The following SYT7 variants were observed in gnomAD, a reference collection of about 807,000 sequenced individuals.
SYT7 encodes the protein synaptotagmin-7.
In SYT7, 29 loss-of-function variants were observed where a neutral mutation model predicts 75.1. The observed-to-expected ratio is 0.39, with a 90% CI of 0.29 to 0.53. SYT7 has a LOEUF of 0.53. Ranked by LOEUF, SYT7 falls within the 20% of genes least tolerant of loss-of-function variation. The probability of loss-of-function intolerance (pLI) is 0.77; values close to 1 mark genes in which losing one functional copy is unlikely to be tolerated. For synonymous variants in SYT7, 376 were observed against 401.7 expected, an observed-to-expected ratio of 0.94 and a Z score of 0.76; for missense variants, 693 against 953.2, an observed-to-expected ratio of 0.73 and a Z score of 3.59.
chr11:61,524,490 T>C lies in SYT7; in HGVS notation c.1514A>G (p.Gln505Arg). 1 of 1,610,344 alleles carries C rather than the reference T, an allele frequency of 6.2e-7. No homozygotes were observed. Among genetic ancestry groups the C allele is most frequent in the Non-Finnish European group, 8.5e-7 (1 of 1,177,906 alleles). The change falls in exon 10 of 13, where the codon CAA (glutamine) becomes CGA (arginine). Residue 505 changes from glutamine (Q) to arginine (R), a missense_variant. Gln to Arg is a conservative substitution (Grantham distance 43). This residue lies in a region of SYT7 where 206 missense variants were observed against 360.0 expected (regional missense o/e 0.57). Coordinates refer to ENST00000539008, the MANE Select transcript of SYT7 (RefSeq NM_001365809.2). The surrounding 1 kb of genome is among the most constrained non-coding windows in gnomAD (Gnocchi z 4.1). ...GCTGAAGCGGTCATAGTCCAGGACT[T>C]GGAGGTAGAGGATCCTCTGCACCAC... ...EKVVQRILYL[Q>R]VLDYDRFSRN...
At position 61,516,921 on chromosome 11, in the gene SYT7, A is replaced by G. The variant is rs929689278; in HGVS notation, c.*1706T>C. On this transcript the variant is annotated 3_prime_UTR_variant, in exon 13 of 13. Coordinates refer to ENST00000539008, the MANE Select transcript of SYT7 (RefSeq NM_001365809.2). The surrounding 1 kb of genome is among the most constrained non-coding windows in gnomAD (Gnocchi z 4.6). ...AGGCGACCCGTCTACTGCAGCAAGC[A>G]GAATGCTCAGCTCAAGGGGAAGCCG... is the stretch of plus-strand genomic sequence containing the variant. 4 of 234,196 alleles carry G rather than the reference A, an allele frequency of 1.7e-5. No homozygotes were observed. Among genetic ancestry groups the G allele is most frequent in the Non-Finnish European group, 3.3e-5 (4 of 122,024 alleles). The allele number at this position is 234,196 out of a possible 1,614,324, so 14.5% of individuals were successfully genotyped here. A position where few individuals can be genotyped will look rare whatever the true frequency, so the allele number is the denominator to read the frequency against.
intron 1 of SYT7, among the ~76,000 whole-genome samples, chr11:61,556,575 A>G (rs1244268583): frequency 2.0e-5 from 3 of 152,114 alleles, no homozygotes; most frequent in African/African-American, 7.2e-5. Flanking sequence ...AAATCCCTCC[A>G]CAGGCCACTG....
chr11:61,532,264 A>T (rs2062735326), intron 8 of SYT7, among the ~76,000 whole-genome samples: 1 of 152,198 alleles, frequency 6.6e-6, no homozygotes, highest in South Asian at 2.1e-4. Context: ...CTTCTGAGCT[A>T]ATCCCCAGTT....
chr11:61,582,999 G>A (rs938390194), upstream of SYT7, among the ~76,000 whole-genome samples: 1 of 152,068 alleles, frequency 6.6e-6, no homozygotes, highest in Non-Finnish European at 1.5e-5. Context: ...ATGACGGGGC[G>A]GGAAGATCAC....
At position 61,577,989 on chromosome 11, in the gene SYT7, G is replaced by A. The variant is rs556356062; in HGVS notation, c.31+2801C>T. ...AGTCCGAGAGAAACAGGGACTTCAG[G>A]ATGAACCAGAGGGTGAAGGCTGAGG... On this transcript the variant is annotated intron_variant, in intron 1 of 12. Coordinates refer to ENST00000539008, the MANE Select transcript of SYT7 (RefSeq NM_001365809.2). Among the ~76,000 whole-genome samples the A allele has an allele frequency of 6.8e-4, 103 of 152,214 alleles. 1 individual carries two copies. The highest frequency in any genetic ancestry group is 2.3e-3 in the African/African-American group (97 of 41,456).
At position 61,578,149 on chromosome 11, in the gene SYT7, C is replaced by T. The variant is rs184049784; in HGVS notation, c.31+2641G>A. Reference sequence around the variant, plus strand: ...CTGGTCTGGGTTCTTCACTGGACTCCGATTATTTCCCACAGTCCTTTTCTT... The same window carrying T: ...CTGGTCTGGGTTCTTCACTGGACTCTGATTATTTCCCACAGTCCTTTTCTT... On this transcript the variant is annotated intron_variant, in intron 1 of 12. Coordinates refer to ENST00000539008, the MANE Select transcript of SYT7 (RefSeq NM_001365809.2). Among the ~76,000 whole-genome samples the T allele has an allele frequency of 3.1e-3, 476 of 152,230 alleles. 6 individuals are homozygous for T. In the South Asian group the frequency reaches 0.038, roughly 12 times the overall value.
rs2064221928 is a variant in SYT7 at position 61,580,385 on chromosome 11, G to A, written c.31+405C>T. ...CCCGCAACCTTGGCCAAGAGCTGCC[G>A]GGATCCTCGCCCTGGGGTCCGCCAG... On this transcript the variant is annotated intron_variant, in intron 1 of 12. Transcript: ENST00000539008. The surrounding 1 kb of genome is among the most constrained non-coding windows in gnomAD (Gnocchi z 6.1). Among the ~76,000 whole-genome samples, 2 of 152,058 alleles carry A rather than the reference G, an allele frequency of 1.3e-5. No individual in the cohort carries two copies. The highest frequency in any genetic ancestry group is 2.9e-5 in the Non-Finnish European group (2 of 67,984).
chr11:61,547,044 T>C, intron 4 of SYT7, 133 bp downstream of exon 4: 1 of 1,075,894 alleles, frequency 9.3e-7, no homozygotes, highest in Non-Finnish European at 1.3e-6. Flanking sequence ...GGTGGATGGG[T>C]GGGGAAGTTG....
Position 61,553,162 on chromosome 11 carries a change from C to T in SYT7, c.136-1699G>A, listed in dbSNP as rs1021710483. ...CAAAAGCTGCCACTCACAGCTCCAACTCCGATCCCTCCCATCACTACCCAG... is the reference window on the plus strand; with the variant it reads ...CAAAAGCTGCCACTCACAGCTCCAATTCCGATCCCTCCCATCACTACCCAG... On this transcript the variant is annotated intron_variant, in intron 2 of 12. Coordinates refer to ENST00000539008, the MANE Select transcript of SYT7 (RefSeq NM_001365809.2). This position sits in a 1 kb window ranked among gnomAD's most constrained non-coding sequence, Gnocchi z 5.2. Among the ~76,000 whole-genome samples, 5 of 152,226 alleles carry T rather than the reference C, an allele frequency of 3.3e-5. No individual in the cohort carries two copies. Among genetic ancestry groups the T allele is most frequent in the African/African-American group, 1.2e-4 (5 of 41,454 alleles).
At position 61,576,572 on chromosome 11, in the gene SYT7, C is replaced by G. The variant is rs555376256; in HGVS notation, c.31+4218G>C. Among the ~76,000 whole-genome samples, 1 of 152,346 alleles carries G rather than the reference C, an allele frequency of 6.6e-6. No homozygotes were observed. Among genetic ancestry groups the G allele is most frequent in the Non-Finnish European group, 1.5e-5 (1 of 68,026 alleles). ...CAGCTCCGGACTGGGCCTCCCGCCC[C>G]CACGTGACCCCTCCCAGCTCTTCTC... On this transcript the variant is annotated intron_variant, in intron 1 of 12. Coordinates refer to ENST00000539008, the MANE Select transcript of SYT7 (RefSeq NM_001365809.2). The surrounding 1 kb of genome is among the most constrained non-coding windows in gnomAD (Gnocchi z 4.1).
Position 61,518,403 on chromosome 11 carries a change from G to A in SYT7, c.*224C>T, listed in dbSNP as rs1011237442. On this transcript the variant is annotated 3_prime_UTR_variant, in exon 13 of 13. Transcript: ENST00000539008. The stretch of plus-strand genomic sequence containing the variant: ...AGTCAGGAAGAAAAGGGGCAAAGCA[G>A]GAAAATGCCTCCCAGAGCCCCTTCC... 4.7e-5 allele frequency: 19 copies of A among 407,324 alleles called. No homozygotes were observed. The highest frequency in any genetic ancestry group is 3.0e-5 in the Non-Finnish European group (7 of 230,182). 25.2% of individuals were successfully genotyped at this position (407,324 alleles called of 1,614,324 possible).
chr11:61,546,304 G>A lies in SYT7; in HGVS notation c.348-49C>T, dbSNP rs1372831990. On this transcript the variant is annotated intron_variant, in intron 4 of 12. Transcript: ENST00000539008. The surrounding 1 kb of genome is among the most constrained non-coding windows in gnomAD (Gnocchi z 7.6). ...AGGCCAGAGGGGCACCGGGGGTGGC[G>A]GTGGGGGAGAGAGGGCAGGCCATAC... The A allele has an allele frequency of 6.0e-6, 8 of 1,327,808 alleles. No individual in the cohort carries two copies. The highest frequency in any genetic ancestry group is 5.7e-5 in the East Asian group (2 of 35,054). 82.3% of individuals were successfully genotyped at this position (1,327,808 alleles called of 1,614,324 possible). A position where few individuals can be genotyped will look rare whatever the true frequency, so the allele number is the denominator to read the frequency against.
chr11:61,528,405 C>T (rs1240240619), intron 8 of SYT7, among the ~76,000 whole-genome samples: 1 of 152,114 alleles, frequency 6.6e-6, no homozygotes, highest in Non-Finnish European at 1.5e-5. Context: ...GTCTCCTGAA[C>T]CTCAGAGTGG....
Position 61,524,588 on chromosome 11 carries a change from C to T in SYT7, c.1472-56G>A, listed in dbSNP as rs982872342. ...GGGGACAGAGGGGCTGCACGGGGCC[C>T]GGGAGGCAAGGAAGGCCCTGGGAAG... is the stretch of plus-strand genomic sequence containing the variant. On this transcript the variant is annotated intron_variant, in intron 9 of 12. Transcript: ENST00000539008. The surrounding 1 kb of genome is among the most constrained non-coding windows in gnomAD (Gnocchi z 4.1). 177 of 1,509,238 alleles carry T rather than the reference C, an allele frequency of 1.2e-4. 1 individual carries two copies. Among genetic ancestry groups the T allele is most frequent in the Admixed American group, 3.2e-4 (15 of 47,122 alleles). The allele number at this position is 1,509,238 out of a possible 1,614,324, so 93.5% of individuals were successfully genotyped here. A position where few individuals can be genotyped will look rare whatever the true frequency, so the allele number is the denominator to read the frequency against.
At chr11:61,558,493 C>CACACACAT (rs2063556598) in intron 1 of SYT7, among the ~76,000 whole-genome samples, 1 of 142,794 alleles carries the variant, frequency 7.0e-6, no homozygotes, top group Admixed American at 7.1e-5. Flanking sequence ...TATACACACA[C>CACACACAT]ACACACACAC....
At chr11:61,581,663 C>G (rs969982624), upstream of SYT7, among the ~76,000 whole-genome samples, 1 of 152,226 alleles carries the variant, frequency 6.6e-6, no homozygotes, top group Non-Finnish European at 1.5e-5. Flanking sequence ...CAGGTGGAGC[C>G]GAAAGGGCTA....
At chr11:61,535,075 T>C (rs1326434141) in intron 7 of SYT7, among the ~76,000 whole-genome samples, 7 of 151,946 alleles carry the variant, frequency 4.6e-5, no homozygotes, top group South Asian at 2.1e-4. Flanking sequence ...ACTGAAGCTG[T>C]CGGAGGTCAC....
chr11:61,534,087 A>C (rs1432953658), intron 7 of SYT7, among the ~76,000 whole-genome samples: 1 of 152,228 alleles, frequency 6.6e-6, no homozygotes, highest in Non-Finnish European at 1.5e-5. Context: ...CCCAGGGACC[A>C]GGATGGAATG....
rs1407255631 is a variant in SYT7 at position 61,517,824 on chromosome 11, G to T, written c.*803C>A. 5.6e-6 allele frequency: 2 copies of T among 356,986 alleles called. No individual in the cohort carries two copies. The highest frequency in any genetic ancestry group is 1.0e-5 in the Non-Finnish European group (2 of 200,150). The allele number at this position is 356,986 out of a possible 1,614,324, so 22.1% of individuals were successfully genotyped here. On this transcript the variant is annotated 3_prime_UTR_variant, in exon 13 of 13. Transcript: ENST00000539008. Reference sequence around the variant, plus strand: ...GAACTACTTCAGATTCTGAGCAGAGGGGGGCACCAAGGGGAGAAGGGGAGG... The same window carrying T: ...GAACTACTTCAGATTCTGAGCAGAGTGGGGCACCAAGGGGAGAAGGGGAGG...
Sources: gnomAD v4.1 joint callset for allele counts (sites outside exome capture counted in the v4.1 genomes callset) on GRCh38, gnomAD v4.1.1 for gene constraint, gnomAD v4.1.1 regional missense constraint, Gnocchi (gnomAD v3.1) non-coding constraint, MANE v1.5 for transcripts, NCBI Gene and HGNC (gene_info 2026-07-23, HGNC 2026-07-21) for gene names.